Variants in SMAD5 observed in about 807,000 individuals in gnomAD.
The protein encoded by SMAD5 is MAD, mothers against decapentaplegic homolog 5.
In SMAD5, 9 loss-of-function variants were observed where a neutral mutation model predicts 43.1. That is an observed-to-expected ratio of 0.21 (90% CI 0.13 to 0.36). The LOEUF (loss-of-function observed/expected upper bound fraction) is 0.36, where lower values mean the gene tolerates loss of function less well. Among genes scored for constraint, SMAD5 ranks in the 10% least tolerant of loss-of-function variants. The probability of loss-of-function intolerance (pLI) is 1.00; values close to 1 mark genes in which losing one functional copy is unlikely to be tolerated. For synonymous variants in SMAD5, 190 were observed against 192.4 expected, an observed-to-expected ratio of 0.99 and a Z score of 0.10; for missense variants, 348 against 574.0, an observed-to-expected ratio of 0.61 and a Z score of 4.02.
chr5:136,166,804 C>A (rs535877454), intron 5 of SMAD5, among the ~76,000 whole-genome samples: 24 of 152,186 alleles, frequency 1.6e-4, no homozygotes, highest in African/African-American at 5.8e-4. Context: ...CTCCACTTAA[C>A]CTCCTTTTCT....
At chr5:136,134,631 T>C (rs1399989310) in intron 1 of SMAD5, 1 of 152,252 alleles carries the variant, frequency 6.6e-6, no homozygotes, top group Non-Finnish European at 1.5e-5. Flanking sequence ...TTTTTTTCTC[T>C]ACAGTGAAAA....
At chr5:136,164,979 T>C (rs1273037013) in intron 5 of SMAD5, among the ~76,000 whole-genome samples, 1 of 152,208 alleles carries the variant, frequency 6.6e-6, no homozygotes, top group Admixed American at 6.5e-5. Context: ...TATCATTTCT[T>C]TGTTGAATTA....
At chr5:136,157,016 A>G (rs1753660763) in intron 3 of SMAD5, among the ~76,000 whole-genome samples, 1 of 152,154 alleles carries the variant, frequency 6.6e-6, no homozygotes, top group Non-Finnish European at 1.5e-5. Context: ...AGTATTAATA[A>G]AGTAGTAGAA....
intron 3 of SMAD5, among the ~76,000 whole-genome samples, chr5:136,155,815 C>T (rs1753616018): frequency 6.6e-6 from 1 of 152,142 alleles, no homozygotes; most frequent in Non-Finnish European, 1.5e-5. Context: ...CTATTTCATT[C>T]ATTACTCTAT....
At chr5:136,143,552 A>G (rs1753161070) in intron 1 of SMAD5, among the ~76,000 whole-genome samples, 1 of 151,996 alleles carries the variant, frequency 6.6e-6, no homozygotes, top group Non-Finnish European at 1.5e-5. Context: ...TTTGCTTCAC[A>G]GTCAGACTAG....
chr5:136,157,322 T>G (rs549928451), intron 3 of SMAD5, among the ~76,000 whole-genome samples: 1 of 152,254 alleles, frequency 6.6e-6, no homozygotes, highest in East Asian at 1.9e-4. Flanking sequence ...TCCTAGGTGT[T>G]TAGTTGAATA....
Position 136,180,367 on chromosome 5 carries a change from T to C in SMAD5, c.*2887T>C, listed in dbSNP as rs1754584859. On this transcript the variant is annotated 3_prime_UTR_variant, in exon 8 of 8. Coordinates refer to ENST00000545279, the MANE Select transcript of SMAD5 (RefSeq NM_005903.7). ...GCATGTACAATATATTTATGCTGGC[T>C]GAAAAGACAGAATCTGGGAATAATA... The C allele has an allele frequency of 6.6e-6, 1 of 152,144 alleles. No homozygotes were observed. The highest frequency in any genetic ancestry group is 6.5e-5 in the Admixed American group (1 of 15,274). The allele number at this position is 152,144 out of a possible 1,614,324, so 9.4% of individuals were successfully genotyped here. A position where few individuals can be genotyped will look rare whatever the true frequency, so the allele number is the denominator to read the frequency against.
Position 136,174,578 on chromosome 5 carries a change from T to C in SMAD5, c.1200T>C (p.Phe400=), listed in dbSNP as rs1243281441. Residue 400 remains phenylalanine (F), a synonymous_variant, in exon 7 of 8, where the codon TTT becomes TTC. Coordinates refer to ENST00000545279, the MANE Select transcript of SMAD5 (RefSeq NM_005903.7). ...QLLAQSVNHG[F]EAVYELTKMC... is the part of the protein sequence containing the mutation. ...TGGCTCAATCTGTCAACCATGGGTT[T>C]GAGGCAGTATATGAGCTCACCAAAA... The C allele has an allele frequency of 6.2e-7, 1 of 1,613,684 alleles. No homozygotes were observed. Among genetic ancestry groups the C allele is most frequent in the Non-Finnish European group, 8.5e-7 (1 of 1,179,606 alleles).
chr5:136,176,176 G>A lies in SMAD5; in HGVS notation c.1255-1161G>A, dbSNP rs143281758. On this transcript the variant is annotated intron_variant, in intron 7 of 7. Coordinates refer to ENST00000545279, the MANE Select transcript of SMAD5 (RefSeq NM_005903.7). ...TTCGTTAAAAAAAAAAACCTGGGCC[G>A]GGTGAGGTGGCTCACACCTGTAATC... 1.8e-3 allele frequency among the ~76,000 whole-genome samples: 278 copies of A among 151,478 alleles called. 5 individuals are homozygous for A. The East Asian group carries it at 0.048, about 26-fold the overall frequency.
intron 3 of SMAD5, among the ~76,000 whole-genome samples, chr5:136,158,388 C>T (rs1212374568): frequency 6.6e-6 from 1 of 151,940 alleles, no homozygotes; most frequent in Admixed American, 6.6e-5. Flanking sequence ...GTAGTGCTGT[C>T]AAAATTCAGA....
intron 4 of SMAD5, among the ~76,000 whole-genome samples, chr5:136,161,520 A>G (rs1753824814): frequency 6.6e-6 from 1 of 152,234 alleles, no homozygotes; most frequent in South Asian, 2.1e-4. Context: ...TAGGGCTAAG[A>G]ACTAGAGGTT....
At chr5:136,174,334 A>G (rs1223505497) in intron 6 of SMAD5, 42 bp from the exon 7 acceptor site, 1 of 1,592,312 alleles carries the variant, frequency 6.3e-7, no homozygotes, top group African/African-American at 1.3e-5. Context: ...TTTCATTGTA[A>G]TGATTCTTTT....
intron 5 of SMAD5, 76 bp downstream of exon 5, chr5:136,163,467 C>T (rs1753895116): frequency 1.6e-6 from 2 of 1,212,846 alleles, no homozygotes. Context: ...TTAAAAACAG[C>T]TTTATTGAGG....
At chr5:136,151,965 T>C (rs1027064639) in intron 2 of SMAD5, among the ~76,000 whole-genome samples, 1 of 152,124 alleles carries the variant, frequency 6.6e-6, no homozygotes, top group Non-Finnish European at 1.5e-5. Flanking sequence ...CATAACACTT[T>C]ATACTCTGTG....
chr5:136,157,873 CTGTGGG>C (rs1370626290), intron 3 of SMAD5, among the ~76,000 whole-genome samples: 1 of 152,086 alleles, frequency 6.6e-6, no homozygotes, highest in Non-Finnish European at 1.5e-5. Flanking sequence ...TTGATTAAGA[CTGTGGG>C]TTCTGGAGCC....
intron 7 of SMAD5, among the ~76,000 whole-genome samples, chr5:136,176,940 G>A (rs1262181885): frequency 6.6e-6 from 1 of 152,056 alleles, no homozygotes; most frequent in African/African-American, 2.4e-5. Flanking sequence ...CTTGTCTACA[G>A]TAATTATTAC....
At chr5:136,170,906 T>C (rs1409951835) in intron 5 of SMAD5, among the ~76,000 whole-genome samples, 2 of 152,286 alleles carry the variant, frequency 1.3e-5, no homozygotes, top group East Asian at 3.9e-4. Flanking sequence ...CAACTTTTGC[T>C]TATTAACCTT....
chr5:136,156,981 G>A (rs1008164553), intron 3 of SMAD5, among the ~76,000 whole-genome samples: 6 of 152,138 alleles, frequency 3.9e-5, no homozygotes, highest in Admixed American at 1.3e-4. Flanking sequence ...CAGCTATGAC[G>A]CAGAATGGAT....
At chr5:136,156,922 A>G (rs936364843) in intron 3 of SMAD5, among the ~76,000 whole-genome samples, 6 of 151,804 alleles carry the variant, frequency 4.0e-5, no homozygotes, top group African/African-American at 1.5e-4. Context: ...TCTTGGGGGA[A>G]GGGGCAGATT....
Sources: gnomAD v4.1 joint callset for allele counts (sites outside exome capture counted in the v4.1 genomes callset) on GRCh38, gnomAD v4.1.1 for gene constraint, MANE v1.5 for transcripts, NCBI Gene and HGNC (gene_info 2026-07-23, HGNC 2026-07-21) for gene names.